The following AMBRA1 variants were observed in gnomAD, a reference collection of about 807,000 sequenced individuals.
The protein encoded by AMBRA1 is activating molecule in BECN1-regulated autophagy protein 1.
In AMBRA1, 47 loss-of-function variants were observed where a neutral mutation model predicts 125.4. That is an observed-to-expected ratio of 0.37 (90% confidence interval 0.30 to 0.48). The LOEUF is 0.48. Ranked by LOEUF, AMBRA1 falls within the 20% of genes least tolerant of loss-of-function variation. The pLI is 0.99. For synonymous variants in AMBRA1, 626 were observed against 655.5 expected (o/e 0.95, Z 0.69); for missense variants, 1,331 against 1,693.4 (o/e 0.79, Z 3.76).
Position 46,593,971 on chromosome 11 carries a change from A to G in AMBRA1, c.-264T>C. 1 of 398,614 alleles carries G rather than the reference A, an allele frequency of 2.5e-6. No homozygotes were observed. Among genetic ancestry groups the G allele is most frequent in the Non-Finnish European group, 4.4e-6 (1 of 226,090 alleles). The allele number at this position is 398,614 out of a possible 1,614,324, so 24.7% of individuals were successfully genotyped here. On this transcript the variant is annotated 5_prime_UTR_variant, in exon 1 of 18. Coordinates refer to ENST00000683756, the MANE Select transcript of AMBRA1 (RefSeq NM_001387011.1). The stretch of plus-strand genomic sequence containing the variant: ...GGCTTGAGCGCGGGGCCTCGCGGAC[A>G]ACTCAGCCCTCGACCCGGCGCCGCC...
chr11:46,445,166 TA>T (rs2136759849), intron 11 of AMBRA1, among the ~76,000 whole-genome samples: 1 of 152,000 alleles, frequency 6.6e-6, no homozygotes, highest in South Asian at 2.1e-4. Context: ...TCTGTGATAT[TA>T]AAATTTCATG....
chr11:46,408,754 C>T (rs1946144624), intron 16 of AMBRA1, 48 bp from the exon 17 acceptor site: 1 of 1,465,970 alleles, frequency 6.8e-7, no homozygotes, highest in South Asian at 1.4e-5. Context: ...TGGGACAGCA[C>T]CCCTCACAGC....
intron 1 of AMBRA1, among the ~76,000 whole-genome samples, chr11:46,571,426 A>T (rs1396926505): frequency 6.6e-6 from 1 of 152,154 alleles, no homozygotes; most frequent in Non-Finnish European, 1.5e-5. Flanking sequence ...CTGTAATCCC[A>T]GTGGTTTGGG....
chr11:46,495,613 G>C (rs1346194538), intron 9 of AMBRA1: 1 of 152,204 alleles, frequency 6.6e-6, no homozygotes, highest in East Asian at 1.9e-4. Context: ...AATGTAAAAG[G>C]GGGGTTAAAG....
chr11:46,474,632 C>T (rs920697372), intron 11 of AMBRA1, among the ~76,000 whole-genome samples: 3 of 152,176 alleles, frequency 2.0e-5, no homozygotes, highest in Non-Finnish European at 4.4e-5. Flanking sequence ...AGGTGATCCA[C>T]CCACCTCGGC....
At position 46,545,733 on chromosome 11, in the gene AMBRA1, G is replaced by C; in HGVS notation, c.422C>G (p.Ala141Gly). The C allele has an allele frequency of 6.2e-7, 1 of 1,614,154 alleles. No homozygotes were observed. Among genetic ancestry groups the C allele is most frequent in the Non-Finnish European group, 8.5e-7 (1 of 1,180,032 alleles). ...SWFTDSNNAI[A>G]SLAFHPTAQL... ...AGCCGTAGGGTGGAAAGCCAGGGAGGCAATGGCATTGTTGCTATCTGTGAA... is the reference window on the plus strand; with the variant it reads ...AGCCGTAGGGTGGAAAGCCAGGGAGCCAATGGCATTGTTGCTATCTGTGAA... Residue 141 changes from alanine to glycine, a missense_variant, in exon 5 of 18, where the codon GCC becomes GGC. Coordinates refer to ENST00000683756, the MANE Select transcript of AMBRA1 (RefSeq NM_001387011.1).
chr11:46,410,195 G>A (rs1418132132), intron 16 of AMBRA1, 81 bp downstream of exon 16: 1 of 1,313,224 alleles, frequency 7.6e-7, no homozygotes, highest in Non-Finnish European at 1.1e-6. Flanking sequence ...GCCCTAGAGG[G>A]CGCTGCTTAA....
chr11:46,585,162 T>C (rs1325411229), intron 1 of AMBRA1, among the ~76,000 whole-genome samples: 1 of 152,024 alleles, frequency 6.6e-6, no homozygotes, highest in Non-Finnish European at 1.5e-5. Flanking sequence ...GCATGCTCGT[T>C]AAGAGTCATC....
intron 12 of AMBRA1, among the ~76,000 whole-genome samples, chr11:46,440,768 T>C (rs959567577): frequency 2.6e-5 from 4 of 152,176 alleles, no homozygotes; most frequent in Non-Finnish European, 5.9e-5. Context: ...TGCTGAAGTT[T>C]CATTGAGACA....
chr11:46,474,390 A>G (rs1311489793), intron 11 of AMBRA1, among the ~76,000 whole-genome samples: 2 of 152,126 alleles, frequency 1.3e-5, no homozygotes. Flanking sequence ...CCAATTTCTA[A>G]CCTTGTTCTA....
At chr11:46,592,755 TAAAAAAAA>T (rs919779590) in intron 1 of AMBRA1, among the ~76,000 whole-genome samples, 3 of 143,164 alleles carry the variant, frequency 2.1e-5, no homozygotes, top group Admixed American at 2.1e-4. Context: ...TAGCCTGTCT[TAAAAAAAA>T]AAAAGAAAAA....
intron 11 of AMBRA1, among the ~76,000 whole-genome samples, chr11:46,480,704 CAG>C (rs1378967783): frequency 2.0e-5 from 3 of 152,150 alleles, no homozygotes; most frequent in Non-Finnish European, 4.4e-5. Context: ...TCAAAACAAC[CAG>C]AGAGAGGCTC....
Position 46,419,582 on chromosome 11 carries a change from G to A in AMBRA1, c.2977-1530C>T, listed in dbSNP as rs564491436. On this transcript the variant is annotated intron_variant, in intron 14 of 17. Transcript: ENST00000683756. ...TCATCAGGGCCTATGAAAACGACAG[G>A]AAGCTGAAACTCTATAAACTGGAGT... Among the ~76,000 whole-genome samples the A allele has an allele frequency of 3.9e-5, 6 of 152,242 alleles. No individual in the cohort carries two copies. In the South Asian group the frequency reaches 1.0e-3, roughly 26 times the overall value.
chr11:46,518,929 A>G (rs1196326714), intron 7 of AMBRA1, among the ~76,000 whole-genome samples: 1 of 152,206 alleles, frequency 6.6e-6, no homozygotes, highest in East Asian at 1.9e-4. Context: ...CTTGATCACT[A>G]GGAATACAAT....
intron 1 of AMBRA1, among the ~76,000 whole-genome samples, chr11:46,587,839 G>A (rs1196562768): frequency 6.6e-6 from 1 of 152,112 alleles, no homozygotes; most frequent in Non-Finnish European, 1.5e-5. Flanking sequence ...TTTGCTAGAT[G>A]AACAAACATC....
chr11:46,439,630 A>C (rs1476557066), intron 12 of AMBRA1, among the ~76,000 whole-genome samples: 1 of 152,234 alleles, frequency 6.6e-6, no homozygotes, highest in Non-Finnish European at 1.5e-5. Flanking sequence ...CCATAAAAGG[A>C]AAGTTGTATA....
At chr11:46,516,006 T>C (rs2135067715) in intron 7 of AMBRA1, among the ~76,000 whole-genome samples, 2 of 152,272 alleles carry the variant, frequency 1.3e-5, no homozygotes, top group Middle Eastern at 3.4e-3. Context: ...TAAAAGTCTA[T>C]TTCCCACCTT....
chr11:46,451,202 A>T (rs1427926535), intron 11 of AMBRA1, among the ~76,000 whole-genome samples: 1 of 152,232 alleles, frequency 6.6e-6, no homozygotes, highest in Non-Finnish European at 1.5e-5. Flanking sequence ...ACAAGGAGGA[A>T]AAGAAGCTTA....
At chr11:46,422,892 G>A (rs1489060158) in intron 14 of AMBRA1, among the ~76,000 whole-genome samples, 1 of 152,202 alleles carries the variant, frequency 6.6e-6, no homozygotes, top group Non-Finnish European at 1.5e-5. Context: ...GAAGCTGGCT[G>A]GAGGAAGCGG....
Sources: allele counts gnomAD v4.1 joint callset (sites outside exome capture counted in the v4.1 genomes callset), GRCh38; gene constraint gnomAD v4.1.1; transcripts MANE v1.5; gene names NCBI Gene and HGNC (gene_info 2026-07-23, HGNC 2026-07-21).